Variants in ADK observed in about 807,000 individuals in gnomAD.
The protein encoded by ADK is N6,N6-dimethyladenosine kinase.
Under a neutral mutation model 44.7 loss-of-function variants are expected in ADK, and 24 were observed. The ratio of observed to expected loss-of-function variants is 0.54; its 90% CI spans 0.39 to 0.76. The LOEUF (loss-of-function observed/expected upper bound fraction) is 0.76, where lower values mean the gene tolerates loss of function less well. Ranked by LOEUF, ADK falls within the 30% of genes least tolerant of loss-of-function variation. ADK has a pLI of 0.00. For missense variants in ADK, 321 were observed against 425.1 expected (o/e 0.76, Z 2.15); for synonymous variants, 128 against 142.6 (o/e 0.90, Z 0.73).
intron 3 of ADK, among the ~76,000 whole-genome samples, chr10:74,311,368 T>C (rs767784721): frequency 1.3e-5 from 2 of 152,208 alleles, no homozygotes; most frequent in African/African-American, 2.4e-5. Flanking sequence ...TAAACGCTTA[T>C]TTGAAGACTT....
At chr10:74,403,342 A>T (rs148769408) in intron 6 of ADK, among the ~76,000 whole-genome samples, 4,867 of 152,206 alleles carry the variant, frequency 0.032, 224 homozygotes, top group African/African-American at 0.098. Flanking sequence ...GCCCCCAGAG[A>T]TGGAGTCTAC....
chr10:74,466,317 G>T (rs1429951851), intron 6 of ADK, among the ~76,000 whole-genome samples: 1 of 152,148 alleles, frequency 6.6e-6, no homozygotes, highest in Non-Finnish European at 1.5e-5. Flanking sequence ...TAGTACAAAT[G>T]TATAACAAGT....
intron 9 of ADK, among the ~76,000 whole-genome samples, chr10:74,622,873 G>A (rs1257840433): frequency 6.6e-6 from 1 of 152,088 alleles, no homozygotes; most frequent in Non-Finnish European, 1.5e-5. Context: ...CAGGTGTGGT[G>A]GTGCATGCCT....
intron 7 of ADK, among the ~76,000 whole-genome samples, chr10:74,557,585 G>A (rs1589246113): frequency 6.6e-6 from 1 of 152,022 alleles, no homozygotes; most frequent in Non-Finnish European, 1.5e-5. Context: ...ATATTTTATT[G>A]TAAAAAGTAT....
intron 9 of ADK, among the ~76,000 whole-genome samples, chr10:74,607,972 C>A (rs1397484137): frequency 1.3e-5 from 2 of 151,602 alleles, no homozygotes; most frequent in Non-Finnish European, 2.9e-5. Flanking sequence ...TGCTTTATTT[C>A]ATTAAGTTGA....
chr10:74,377,781 G>A (rs956149724), intron 4 of ADK, among the ~76,000 whole-genome samples: 5 of 152,190 alleles, frequency 3.3e-5, no homozygotes, highest in Non-Finnish European at 7.3e-5. Context: ...GACAGGTAGT[G>A]AGGAAGAGTG....
intron 1 of ADK, among the ~76,000 whole-genome samples, chr10:74,194,930 A>G (rs1347456628): frequency 6.6e-6 from 1 of 152,248 alleles, no homozygotes; most frequent in Non-Finnish European, 1.5e-5. Context: ...TTAATATATC[A>G]ATAGCCAAGA....
At chr10:74,629,424 G>A (rs1232504600) in intron 9 of ADK, among the ~76,000 whole-genome samples, 3 of 152,164 alleles carry the variant, frequency 2.0e-5, no homozygotes, top group African/African-American at 7.2e-5. Context: ...TATGAGCAGA[G>A]CAAAATGAGG....
At chr10:74,345,567 C>G (rs1239949960) in intron 4 of ADK, among the ~76,000 whole-genome samples, 1 of 152,172 alleles carries the variant, frequency 6.6e-6, no homozygotes. Flanking sequence ...CTTGGCATCT[C>G]AAAGTGCTGG....
At chr10:74,604,324 C>G (rs1852242018) in intron 9 of ADK, among the ~76,000 whole-genome samples, 1 of 152,060 alleles carries the variant, frequency 6.6e-6, no homozygotes, top group Non-Finnish European at 1.5e-5. Flanking sequence ...AAGTCTTTGC[C>G]CATGCCTATG....
intron 7 of ADK, among the ~76,000 whole-genome samples, chr10:74,582,093 A>G (rs1388355767): frequency 1.3e-5 from 2 of 152,170 alleles, no homozygotes; most frequent in East Asian, 3.9e-4. Flanking sequence ...CTTTATACCA[A>G]CCACGTATTA....
chr10:74,230,567 A>G (rs1179331618), intron 3 of ADK, among the ~76,000 whole-genome samples: 1 of 151,494 alleles, frequency 6.6e-6, no homozygotes. Flanking sequence ...GTTTTTAGAG[A>G]TGAGGTCTCC....
intron 3 of ADK, among the ~76,000 whole-genome samples, chr10:74,299,258 C>T (rs957005222): frequency 6.6e-5 from 10 of 151,012 alleles, no homozygotes; most frequent in African/African-American, 9.7e-5. Flanking sequence ...CTTTGGGAGG[C>T]TGAGGTGGGC....
At chr10:74,629,521 C>T (rs1853337256) in intron 9 of ADK, among the ~76,000 whole-genome samples, 1 of 152,162 alleles carries the variant, frequency 6.6e-6, no homozygotes, top group Non-Finnish European at 1.5e-5. Context: ...TGCAACTTAA[C>T]TACTGCAGTG....
At chr10:74,253,802 T>G (rs1845732972) in intron 3 of ADK, among the ~76,000 whole-genome samples, 1 of 146,628 alleles carries the variant, frequency 6.8e-6, no homozygotes, top group Non-Finnish European at 1.5e-5. Flanking sequence ...GAGTCTCCTC[T>G]GTCACCCAGG....
At chr10:74,469,587 C>T (rs1846484570) in intron 6 of ADK, among the ~76,000 whole-genome samples, 1 of 152,122 alleles carries the variant, frequency 6.6e-6, no homozygotes, top group Non-Finnish European at 1.5e-5. Flanking sequence ...TGTTCTCAAA[C>T]TCCTGGCCTC....
At chr10:74,454,671 C>T (rs1384103594) in intron 6 of ADK, among the ~76,000 whole-genome samples, 3 of 152,052 alleles carry the variant, frequency 2.0e-5, no homozygotes, top group Non-Finnish European at 2.9e-5. Context: ...GAAAAGTATA[C>T]TATAATTTAA....
At chr10:74,400,602 A>G (rs756099165) in intron 6 of ADK, among the ~76,000 whole-genome samples, 2 of 152,204 alleles carry the variant, frequency 1.3e-5, no homozygotes, top group Admixed American at 1.3e-4. Context: ...CATATGGTCA[A>G]ACCATAAATT....
intron 3 of ADK, among the ~76,000 whole-genome samples, chr10:74,291,316 C>T (rs1847422693): frequency 6.6e-6 from 1 of 152,032 alleles, no homozygotes; most frequent in Admixed American, 6.6e-5. Flanking sequence ...ACTCGGGAGG[C>T]TGAGGCAGGA....
Sources: gnomAD v4.1 joint callset for allele counts (sites outside exome capture counted in the v4.1 genomes callset) on GRCh38, gnomAD v4.1.1 for gene constraint, MANE v1.5 for transcripts, NCBI Gene and HGNC (gene_info 2026-07-23, HGNC 2026-07-21) for gene names.